GRK1: variants seen among roughly 807,000 people sequenced by gnomAD.
GRK1 encodes the protein rhodopsin kinase GRK1.
In GRK1, 28 loss-of-function variants were observed where a neutral mutation model predicts 41.7. The ratio of observed to expected loss-of-function variants is 0.67; its 90% confidence interval spans 0.50 to 0.92. The LOEUF is 0.92. Ranked by LOEUF, GRK1 falls within the 40% of genes least tolerant of loss-of-function variation. The pLI is 0.00. For synonymous variants in GRK1, 327 were observed against 286.7 expected (o/e 1.14, Z -1.42); for missense variants, 703 against 671.2 (o/e 1.05, Z -0.52).
rs1200894851 is a variant in GRK1, at chr13:113,733,697, A to ATG, written c.1396+617_1396+618dup. ...CGTGTGTGCATGTATGTGTGCATACATGTGTGCGTGTGTGCGCACGTGTGT... is the reference window on the plus strand; with the variant it reads ...CGTGTGTGCATGTATGTGTGCATACATGTGTGTGCGTGTGTGCGCACGTGTGT... On this transcript the variant is annotated intron_variant, in intron 6 of 6. Coordinates refer to ENST00000335678, the MANE Select transcript of GRK1 (RefSeq NM_002929.3). Among the ~76,000 whole-genome samples the ATG allele has an allele frequency of 3.6e-4, 36 of 101,092 alleles. 1 individual carries two copies. Among genetic ancestry groups the ATG allele is most frequent in the Middle Eastern group, 0.01 (1 of 98 alleles). 66.3% of individuals were successfully genotyped at this position (101,092 alleles called of 152,430 possible). A position where few individuals can be genotyped will look rare whatever the true frequency, so the allele number is the denominator to read the frequency against.
the GRK1 span, chr13:113,651,542 G>A: frequency 1.7e-4 from 188 of 1,075,514 alleles, 2 homozygotes; most frequent in East Asian, 5.0e-3. Flanking sequence ...CGGTGTTTAC[G>A]TCTGGTTTAC....
the GRK1 span, among the ~76,000 whole-genome samples, chr13:113,657,465 C>T: frequency 2.0e-5 from 3 of 152,234 alleles, no homozygotes; most frequent in African/African-American, 7.2e-5. Flanking sequence ...GCTTTCCTCC[C>T]AGGAGGGCCA....
chr13:113,734,822 A>C (rs1397564471), intron 6 of GRK1: 1 of 398,876 alleles, frequency 2.5e-6, no homozygotes, highest in Non-Finnish European at 4.4e-6. Context: ...GAAGGCTCCA[A>C]AATGAGCCCT....
chr13:113,729,031 C>G (rs964226604), intron 4 of GRK1, among the ~76,000 whole-genome samples: 1 of 152,116 alleles, frequency 6.6e-6, no homozygotes, highest in Admixed American at 6.5e-5. Context: ...GGGAAGGGCT[C>G]GAGAGGTGCT....
intron 2 of GRK1, 45 bp downstream of exon 2, chr13:113,669,859 T>C (rs1338613153): frequency 6.2e-7 from 1 of 1,607,766 alleles, no homozygotes; most frequent in Non-Finnish European, 8.5e-7. Flanking sequence ...GCTGTCCCAC[T>C]GGGTCAGGGT....
the GRK1 span, chr13:113,652,723 C>T: frequency 1.1e-6 from 1 of 897,320 alleles, no homozygotes; most frequent in Non-Finnish European, 1.8e-6. Flanking sequence ...CAGGTGCGTG[C>T]CAAACCAAGG....
At chr13:113,650,504 G>C in the GRK1 span, 8 of 1,610,858 alleles carry the variant, frequency 5.0e-6, no homozygotes, top group Non-Finnish European at 6.8e-6. The surrounding 1 kb of genome is among the most constrained non-coding windows in gnomAD (Gnocchi z 5.0). Context: ...TCGCGGGGCT[G>C]GTCCTGGGGA....
At chr13:113,668,142 G>C in intron 1 of GRK1, 57 bp downstream of exon 1, 26 of 1,526,330 alleles carry the variant, frequency 1.7e-5, no homozygotes, top group Non-Finnish European at 2.2e-5. Context: ...GGATGGGGCG[G>C]CAGGGTGCAG....
chr13:113,724,057 C>G (rs780637315), intron 4 of GRK1, among the ~76,000 whole-genome samples: 1 of 152,184 alleles, frequency 6.6e-6, no homozygotes, highest in Non-Finnish European at 1.5e-5. Flanking sequence ...CTGCCTCCCC[C>G]ATCCCGTGTC....
chr13:113,667,807 A>T lies in GRK1; in HGVS notation c.421A>T (p.Ile141Phe), dbSNP rs1247259488. ...VAKFKEGPVE[I>F]QDGLFQPLLQ... The stretch of plus-strand genomic sequence containing the variant: ...GAAGTTTAAGGAGGGGCCTGTGGAG[A>T]TCCAGGACGGGCTCTTCCAGCCCCT... The change falls in exon 1 of 7, where the codon ATC becomes TTC. Residue 141 changes from isoleucine (I) to phenylalanine (F), a missense_variant. By Grantham distance (21) the Ile-to-Phe change is conservative. Transcript: ENST00000335678. This position sits in a 1 kb window ranked among gnomAD's most constrained non-coding sequence, Gnocchi z 7.5. 3 of 1,604,348 alleles carry T rather than the reference A, an allele frequency of 1.9e-6. No homozygotes were observed. The highest frequency in any genetic ancestry group is 2.6e-6 in the Non-Finnish European group (3 of 1,173,950).
In GRK1 at chr13:113,671,398, C is replaced by T. The variant is rs1311249678; in HGVS notation, c.828-101C>T. 22 of 744,794 alleles carry T rather than the reference C, an allele frequency of 3.0e-5. No individual in the cohort carries two copies. Among genetic ancestry groups the T allele is most frequent in the East Asian group, 2.9e-4 (12 of 40,758 alleles). The allele number at this position is 744,794 out of a possible 1,614,324, so 46.1% of individuals were successfully genotyped here. A position where few individuals can be genotyped will look rare whatever the true frequency, so the allele number is the denominator to read the frequency against. ...GGGCCAGGCCTCAAAACGACCAGAA[C>T]GCTGGCCGAGAGACATGGTTCTGAG... On this transcript the variant is annotated intron_variant, in intron 2 of 6. Coordinates refer to ENST00000335678, the MANE Select transcript of GRK1 (RefSeq NM_002929.3). This position sits in a 1 kb window ranked among gnomAD's most constrained non-coding sequence, Gnocchi z 4.1.
At chr13:113,654,128 C>T in the GRK1 span, among the ~76,000 whole-genome samples, 3 of 152,178 alleles carry the variant, frequency 2.0e-5, no homozygotes, top group Non-Finnish European at 4.4e-5. Flanking sequence ...TTGTGTGAAG[C>T]CTGCAGTTTG....
In GRK1 at chr13:113,671,255, G is replaced by A. The variant is rs1022426066; in HGVS notation, c.828-244G>A. Among the ~76,000 whole-genome samples, 13 of 152,196 alleles carry A rather than the reference G, an allele frequency of 8.5e-5. No homozygotes were observed. The highest frequency in any genetic ancestry group is 1.6e-4 in the Non-Finnish European group (11 of 68,030). The stretch of plus-strand genomic sequence containing the variant: ...TGCGGCCCGCGCTGGAAAGCAGGCG[G>A]ACAGGAGACGCACGTGGACAGCACT... On this transcript the variant is annotated intron_variant, in intron 2 of 6. Transcript: ENST00000335678. The surrounding 1 kb of genome is among the most constrained non-coding windows in gnomAD (Gnocchi z 4.1).
At chr13:113,734,012 G>A (rs1467963456) in intron 6 of GRK1, among the ~76,000 whole-genome samples, 4 of 135,906 alleles carry the variant, frequency 2.9e-5, no homozygotes, top group African/African-American at 1.3e-4. Context: ...GCGTGTGCGT[G>A]CATGTGTGTG....
the GRK1 span, chr13:113,649,380 C>T: frequency 6.3e-7 from 1 of 1,594,032 alleles, no homozygotes; most frequent in African/African-American, 1.3e-5. This position sits in a 1 kb window ranked among gnomAD's most constrained non-coding sequence, Gnocchi z 4.7. Context: ...CGTTTCACTT[C>T]TCAATCTTGA....
the GRK1 span, chr13:113,658,289 C>T: frequency 3.7e-5 from 22 of 592,976 alleles, no homozygotes; most frequent in Non-Finnish European, 5.5e-5. Flanking sequence ...AGGCCAGGGC[C>T]GTTTATCAGC....
chr13:113,665,458 T>C (rs547147668), upstream of GRK1, among the ~76,000 whole-genome samples: 14 of 137,102 alleles, frequency 1.0e-4, no homozygotes, highest in South Asian at 2.9e-3. Context: ...TGTGCCCCAG[T>C]TGCATTCCAT....
upstream of GRK1, chr13:113,667,162 A>C: frequency 3.8e-6 from 2 of 525,984 alleles, no homozygotes; most frequent in South Asian, 6.5e-5. The surrounding 1 kb of genome is among the most constrained non-coding windows in gnomAD (Gnocchi z 7.5). Flanking sequence ...GTCCTCCGTG[A>C]CCCCGGCTGG....
chr13:113,649,418 G>C, the GRK1 span: 2 of 1,589,528 alleles, frequency 1.3e-6, no homozygotes, highest in African/African-American at 1.3e-5. This position sits in a 1 kb window ranked among gnomAD's most constrained non-coding sequence, Gnocchi z 4.7. Flanking sequence ...CCTTCATACG[G>C]GTCGTGGGGA....
Sources: allele counts gnomAD v4.1 joint callset (sites outside exome capture counted in the v4.1 genomes callset), GRCh38; gene constraint gnomAD v4.1.1; non-coding constraint Gnocchi (gnomAD v3.1); transcripts MANE v1.5; gene names NCBI Gene and HGNC (gene_info 2026-07-23, HGNC 2026-07-21).